POU2F3: variants seen among roughly 807,000 people sequenced by gnomAD.
The protein encoded by POU2F3 is POU domain, class 2, transcription factor 3.
A neutral mutation model predicts 59.2 loss-of-function variants in POU2F3; 23 were observed. The observed-to-expected ratio is 0.39, with a 90% confidence interval of 0.28 to 0.55. The LOEUF (loss-of-function observed/expected upper bound fraction) is 0.55. Among genes scored for constraint, POU2F3 ranks in the 20% least tolerant of loss-of-function variants. POU2F3 has a pLI of 0.66. For synonymous variants in POU2F3, 190 were observed against 214.6 expected, an observed-to-expected ratio of 0.89 and a Z score of 1.00; for missense variants, 473 against 544.5, an observed-to-expected ratio of 0.87 and a Z score of 1.31.
At chr11:120,275,418 C>A (rs17123767) in intron 3 of POU2F3, among the ~76,000 whole-genome samples, 23,491 of 151,944 alleles carry the variant, frequency 0.15, 2,388 homozygotes, top group South Asian at 0.37. Flanking sequence ...CTTTGGGCCA[C>A]CAGCTAACTT....
chr11:120,290,687 T>C (rs1023065821), intron 3 of POU2F3, among the ~76,000 whole-genome samples: 3 of 152,388 alleles, frequency 2.0e-5, no homozygotes, highest in East Asian at 3.9e-4. Context: ...GAATAAATGA[T>C]GGTATATTTG....
rs936882772 is a variant in POU2F3, at chr11:120,285,047, T to A, written c.133-13218T>A. Among the ~76,000 whole-genome samples the A allele has an allele frequency of 2.6e-5, 4 of 152,226 alleles. No homozygotes were observed. The highest frequency in any genetic ancestry group is 9.6e-5 in the African/African-American group (4 of 41,464). On this transcript the variant is annotated intron_variant, in intron 3 of 12. Coordinates refer to ENST00000543440, the MANE Select transcript of POU2F3 (RefSeq NM_014352.4). The surrounding 1 kb of genome is among the most constrained non-coding windows in gnomAD (Gnocchi z 4.3). Reference sequence around the variant, plus strand: ...CATTTTTATCGTTCAAGATTTTGCATTTTTGGTGTTAAAATATTTAGTGCA... The same window carrying A: ...CATTTTTATCGTTCAAGATTTTGCAATTTTGGTGTTAAAATATTTAGTGCA...
upstream of POU2F3, among the ~76,000 whole-genome samples, chr11:120,237,210 A>G (rs1007645724): frequency 6.6e-6 from 1 of 152,206 alleles, no homozygotes; most frequent in Non-Finnish European, 1.5e-5. Context: ...CTAAAATCAG[A>G]TGGTGTATGT....
intron 1 of POU2F3, among the ~76,000 whole-genome samples, chr11:120,241,751 TC>T (rs1160804914): frequency 1.3e-5 from 2 of 152,114 alleles, no homozygotes; most frequent in African/African-American, 4.8e-5. Flanking sequence ...ATCACAGACT[TC>T]CTGGGGGTTT....
At chr11:120,237,005 G>A (rs569953492), upstream of POU2F3, among the ~76,000 whole-genome samples, 28 of 152,226 alleles carry the variant, frequency 1.8e-4, no homozygotes, top group Non-Finnish European at 3.2e-4. Flanking sequence ...TTTCTACCTC[G>A]TTATCTGATA....
intron 2 of POU2F3, among the ~76,000 whole-genome samples, chr11:120,248,736 A>C (rs1938971498): frequency 6.6e-6 from 1 of 152,200 alleles, no homozygotes; most frequent in Non-Finnish European, 1.5e-5. Flanking sequence ...CCTGTGTTTA[A>C]GGGCAAGAAG....
Position 120,282,315 on chromosome 11 carries a change from G to A in POU2F3, c.132+13071G>A, listed in dbSNP as rs192947798. ...TTTGAAATGTTGTATACAAATCAAA[G>A]TTTCATCAATGAAATATTATTTTCC... is the stretch of plus-strand genomic sequence containing the variant. On this transcript the variant is annotated intron_variant, in intron 3 of 12. Coordinates refer to ENST00000543440, the MANE Select transcript of POU2F3 (RefSeq NM_014352.4). Among the ~76,000 whole-genome samples, 420 of 152,336 alleles carry A rather than the reference G, an allele frequency of 2.8e-3. 4 individuals are homozygous for A. Among genetic ancestry groups the A allele is most frequent in the Non-Finnish European group, 3.4e-3 (230 of 68,032 alleles).
At chr11:120,269,098 T>C in intron 2 of POU2F3, 112 bp from the exon 3 acceptor site, 1 of 746,806 alleles carries the variant, frequency 1.3e-6, no homozygotes, top group Non-Finnish European at 2.1e-6. Flanking sequence ...GCGAAGCAGG[T>C]GCTCTTTTTC....
chr11:120,291,032 A>T (rs893065321), intron 3 of POU2F3, among the ~76,000 whole-genome samples: 1 of 152,164 alleles, frequency 6.6e-6, no homozygotes, highest in Non-Finnish European at 1.5e-5. Context: ...TATATGTGAG[A>T]CTCAAGGAAA....
intron 3 of POU2F3, among the ~76,000 whole-genome samples, chr11:120,269,819 G>A (rs1483030094): frequency 1.3e-5 from 2 of 152,212 alleles, no homozygotes; most frequent in Non-Finnish European, 1.5e-5. Context: ...GCAGAAGAAG[G>A]TGGTGTTGGA....
At chr11:120,273,916 C>T (rs1282943325) in intron 3 of POU2F3, among the ~76,000 whole-genome samples, 1 of 151,974 alleles carries the variant, frequency 6.6e-6, no homozygotes, top group East Asian at 1.9e-4. Flanking sequence ...ACTCAGGAGG[C>T]TGAGGCAGGG....
At chr11:120,280,372 C>T (rs897866863) in intron 3 of POU2F3, among the ~76,000 whole-genome samples, 4 of 152,108 alleles carry the variant, frequency 2.6e-5, no homozygotes, top group Non-Finnish European at 5.9e-5. Flanking sequence ...TGCTTAGAGC[C>T]AGAATTCAAA....
At chr11:120,317,399 C>T in intron 12 of POU2F3, 35 bp downstream of exon 12, 5 of 1,612,318 alleles carry the variant, frequency 3.1e-6, no homozygotes, top group Non-Finnish European at 4.2e-6. Context: ...GACATCCCAG[C>T]AGGGCCAAGG....
chr11:120,278,805 C>T (rs550502955), intron 3 of POU2F3, among the ~76,000 whole-genome samples: 2 of 152,198 alleles, frequency 1.3e-5, no homozygotes, highest in South Asian at 4.1e-4. Context: ...AGAAGAAATA[C>T]CTGATAAAAT....
chr11:120,297,406 C>A (rs564926946), intron 3 of POU2F3, among the ~76,000 whole-genome samples: 1 of 152,286 alleles, frequency 6.6e-6, no homozygotes, highest in Non-Finnish European at 1.5e-5. Context: ...ACAGCATTGG[C>A]TGTGAGGGAG....
At chr11:120,318,292 C>A in intron 12 of POU2F3, 61 bp from the exon 13 acceptor site, 1 of 1,500,410 alleles carries the variant, frequency 6.7e-7, no homozygotes, top group Non-Finnish European at 9.3e-7. Context: ...CAGTCACTCC[C>A]CATTCCCATC....
chr11:120,309,310 G>A (rs1941590372), intron 9 of POU2F3, 115 bp from the exon 10 acceptor site: 26 of 1,107,716 alleles, frequency 2.3e-5, no homozygotes, highest in Non-Finnish European at 3.2e-5. Flanking sequence ...TTCATCCTAG[G>A]TCTGACTCTA....
At chr11:120,265,371 C>A (rs1591390553) in intron 2 of POU2F3, 1 of 120,876 alleles carries the variant, frequency 8.3e-6, no homozygotes, top group East Asian at 0.021. Context: ...TGCCCTCCGG[C>A]AGCGCTAGGG....
chr11:120,283,792 T>TGTGTGC (rs2135241110), intron 3 of POU2F3, among the ~76,000 whole-genome samples: 1 of 126,162 alleles, frequency 7.9e-6, no homozygotes, highest in East Asian at 2.1e-4. Flanking sequence ...TGTGTGTGTG[T>TGTGTGC]GTGTGTGTGT....
Sources: allele counts gnomAD v4.1 joint callset (sites outside exome capture counted in the v4.1 genomes callset), GRCh38; gene constraint gnomAD v4.1.1; non-coding constraint Gnocchi (gnomAD v3.1); transcripts MANE v1.5; gene names NCBI Gene and HGNC (gene_info 2026-07-23, HGNC 2026-07-21).